Variants in POPDC1 observed in about 807,000 individuals in gnomAD.
POPDC1 encodes popeye domain-containing protein 1.
the POPDC1 span, among the ~76,000 whole-genome samples, chr6:105,126,092 G>A: frequency 2.0e-5 from 3 of 151,896 alleles, no homozygotes; most frequent in African/African-American, 7.3e-5. Context: ...TGGGCGTGGT[G>A]GCATGCACCT....
chr6:105,130,208 T>C, the POPDC1 span, among the ~76,000 whole-genome samples: 1 of 152,178 alleles, frequency 6.6e-6, no homozygotes, highest in Non-Finnish European at 1.5e-5. Context: ...CACATACAAT[T>C]TTAAAATCTC....
the POPDC1 span, among the ~76,000 whole-genome samples, chr6:105,105,298 C>G: frequency 6.6e-6 from 1 of 152,324 alleles, no homozygotes; most frequent in African/African-American, 2.4e-5. Flanking sequence ...CTACCTGGTG[C>G]CAGCTGGCTG....
chr6:105,126,534 A>C, the POPDC1 span, among the ~76,000 whole-genome samples: 1 of 152,162 alleles, frequency 6.6e-6, no homozygotes. Flanking sequence ...CTATAATGCA[A>C]CTGTTTAGGT....
the POPDC1 span, chr6:105,116,957 G>A: frequency 2.5e-6 from 3 of 1,219,292 alleles, no homozygotes; most frequent in African/African-American, 3.1e-5. Context: ...GAATGATTTA[G>A]TGGACATTAT....
chr6:105,112,018 A>G, the POPDC1 span, among the ~76,000 whole-genome samples: 1 of 152,208 alleles, frequency 6.6e-6, no homozygotes, highest in African/African-American at 2.4e-5. Context: ...GCAAAATTCC[A>G]GAAGGTGGGA....
the POPDC1 span, chr6:105,101,192 C>T: frequency 1.2e-5 from 19 of 1,612,332 alleles, no homozygotes; most frequent in East Asian, 4.5e-5. Flanking sequence ...GGCAGAGGCT[C>T]GCTGGTGTGG....
the POPDC1 span, among the ~76,000 whole-genome samples, chr6:105,123,133 A>C: frequency 6.6e-6 from 1 of 152,332 alleles, no homozygotes; most frequent in Non-Finnish European, 1.5e-5. Context: ...AAGAAACACT[A>C]ACATTCCTTC....
the POPDC1 span, among the ~76,000 whole-genome samples, chr6:105,132,029 A>T: frequency 2.7e-3 from 406 of 150,312 alleles, 5 homozygotes; most frequent in African/African-American, 9.5e-3. Context: ...GCAGTGGCAC[A>T]ATCTTGGCTC....
chr6:105,130,274 T>C, the POPDC1 span, among the ~76,000 whole-genome samples: 4 of 152,138 alleles, frequency 2.6e-5, no homozygotes, highest in Admixed American at 6.5e-5. Context: ...GCCAGCATAG[T>C]TTTAAAAGAC....
the POPDC1 span, among the ~76,000 whole-genome samples, chr6:105,127,511 G>C: frequency 7.5e-4 from 114 of 152,234 alleles, 1 homozygote; most frequent in African/African-American, 2.7e-3. Context: ...GGAGTGCAGT[G>C]GTGTGATCAT....
At chr6:105,119,111 G>A in the POPDC1 span, among the ~76,000 whole-genome samples, 1 of 151,038 alleles carries the variant, frequency 6.6e-6, no homozygotes, top group Non-Finnish European at 1.5e-5. Flanking sequence ...CTTGAACCTG[G>A]GAGGCAGAGG....
At chr6:105,114,003 T>A in the POPDC1 span, among the ~76,000 whole-genome samples, 3 of 151,802 alleles carry the variant, frequency 2.0e-5, no homozygotes, top group African/African-American at 2.4e-5. Flanking sequence ...AACAGGAGAT[T>A]AAATTCTTGT....
chr6:105,119,504 C>T, the POPDC1 span, among the ~76,000 whole-genome samples: 10 of 152,158 alleles, frequency 6.6e-5, no homozygotes, highest in South Asian at 1.0e-3. Flanking sequence ...TTCCCACAGA[C>T]GGTATGAGGT....
the POPDC1 span, among the ~76,000 whole-genome samples, chr6:105,109,763 C>CAAAAAAAAAAA: frequency 1.3e-4 from 3 of 22,872 alleles, 1 homozygote; most frequent in Non-Finnish European, 2.1e-4. Flanking sequence ...GACCCTTTCT[C>CAAAAAAAAAAA]AAAAAAAAAA....
chr6:105,115,397 C>T, the POPDC1 span, among the ~76,000 whole-genome samples: 48 of 152,184 alleles, frequency 3.2e-4, no homozygotes, highest in Non-Finnish European at 6.6e-4. Context: ...GGATTACAGG[C>T]GTAAGCCACC....
At chr6:105,125,549 C>T in the POPDC1 span, 3,762 of 1,614,040 alleles carry the variant, frequency 2.3e-3, 84 homozygotes, top group African/African-American at 0.042. Context: ...ATCGCCGGTA[C>T]ATGCCACTGA....
At chr6:105,101,042 T>C in the POPDC1 span, 1 of 1,542,114 alleles carries the variant, frequency 6.5e-7, no homozygotes, top group Non-Finnish European at 8.7e-7. Flanking sequence ...TTTTTCAGGA[T>C]CTCTTCAAGA....
At chr6:105,105,943 G>T in the POPDC1 span, among the ~76,000 whole-genome samples, 1 of 152,172 alleles carries the variant, frequency 6.6e-6, no homozygotes, top group South Asian at 2.1e-4. Flanking sequence ...ATTGCCAATT[G>T]TAGAGGGGCA....
the POPDC1 span, among the ~76,000 whole-genome samples, chr6:105,102,015 G>A: frequency 1.3e-5 from 2 of 152,182 alleles, no homozygotes; most frequent in Non-Finnish European, 2.9e-5. Context: ...TGCCTAATGA[G>A]CAGCTAACGT....
Sources: allele counts gnomAD v4.1 joint callset (sites outside exome capture counted in the v4.1 genomes callset), GRCh38; gene constraint gnomAD v4.1.1; transcripts MANE v1.5; gene names NCBI Gene and HGNC (gene_info 2026-07-23, HGNC 2026-07-21).